ADCY1: variants seen among roughly 807,000 people sequenced by gnomAD.
ADCY1 encodes adenylate cyclase type 1.
A neutral mutation model predicts 105.4 loss-of-function variants in ADCY1; 28 were observed. The observed-to-expected ratio is 0.27, with a 90% CI of 0.20 to 0.36. The LOEUF (loss-of-function observed/expected upper bound fraction) is 0.36. Ranked by LOEUF, ADCY1 falls within the 10% of genes least tolerant of loss-of-function variation. ADCY1 has a pLI of 1.00. For synonymous variants in ADCY1, 655 were observed against 623.8 expected (o/e 1.05, Z -0.75); for missense variants, 977 against 1,434.2 (o/e 0.68, Z 5.15).
In ADCY1 at chr7:45,708,897, C is replaced by T. The variant is rs1443398665; in HGVS notation, c.2932+433C>T. 2.0e-5 allele frequency among the ~76,000 whole-genome samples: 3 copies of T among 152,182 alleles called. No individual in the cohort carries two copies. The highest frequency in any genetic ancestry group is 2.1e-4 in the South Asian group (1 of 4,828). The stretch of plus-strand genomic sequence containing the variant: ...GTCTTCTCCAGGCTCCTTCCCTCAC[C>T]TGTGTCGTGAGGAGGAAAAACCATT... On this transcript the variant is annotated intron_variant, in intron 18 of 19. Transcript: ENST00000297323. The surrounding 1 kb of genome is among the most constrained non-coding windows in gnomAD (Gnocchi z 4.7).
At chr7:45,576,909 C>A (rs1277216290) in intron 1 of ADCY1, among the ~76,000 whole-genome samples, 1 of 152,096 alleles carries the variant, frequency 6.6e-6, no homozygotes, top group Admixed American at 6.5e-5. Flanking sequence ...TAAAAGGCTG[C>A]GTTATTGTCT....
Position 45,710,780 on chromosome 7 carries a change from T to C in ADCY1, c.3057+128T>C, listed in dbSNP as rs925855435. ...GTGGCAGGGCAGAAAGAGCTGCATA[T>C]TTCGGTCTGTCTGCTCTGGAGGGCA... On this transcript the variant is annotated intron_variant, in intron 19 of 19. Coordinates refer to ENST00000297323, the MANE Select transcript of ADCY1 (RefSeq NM_021116.4). This position sits in a 1 kb window ranked among gnomAD's most constrained non-coding sequence, Gnocchi z 4.7. 4.6e-6 allele frequency: 6 copies of C among 1,306,150 alleles called. No individual in the cohort carries two copies. The African/African-American group carries it at 9.1e-5, about 20-fold the overall frequency. The allele number at this position is 1,306,150 out of a possible 1,614,324, so 80.9% of individuals were successfully genotyped here. A position where few individuals can be genotyped will look rare whatever the true frequency, so the allele number is the denominator to read the frequency against.
chr7:45,680,184 A>G (rs1163523172), intron 11 of ADCY1, among the ~76,000 whole-genome samples: 10 of 152,222 alleles, frequency 6.6e-5, no homozygotes, highest in Non-Finnish European at 7.3e-5. Context: ...TGATTAAACA[A>G]ATGAGCACAA....
At chr7:45,576,224 A>G (rs576474066) in intron 1 of ADCY1, among the ~76,000 whole-genome samples, 55 of 152,284 alleles carry the variant, frequency 3.6e-4, no homozygotes, top group African/African-American at 1.2e-3. Context: ...CTGAATCCAG[A>G]GAGATTAGGG....
rs1785422791 is a variant in ADCY1 at position 45,719,385 on chromosome 7, A to G, written c.*5390A>G. 1 of 152,242 alleles carries G rather than the reference A, an allele frequency of 6.6e-6. No homozygotes were observed. The highest frequency in any genetic ancestry group is 2.1e-4 in the South Asian group (1 of 4,830). 9.4% of individuals were successfully genotyped at this position (152,242 alleles called of 1,614,324 possible). On this transcript the variant is annotated 3_prime_UTR_variant, in exon 20 of 20. Transcript: ENST00000297323. Reference sequence around the variant, plus strand: ...TACACTTAGTGAAAGCAGATCCTGTACTAGGATGTGAGGATATCTGTCACC... The same window carrying G: ...TACACTTAGTGAAAGCAGATCCTGTGCTAGGATGTGAGGATATCTGTCACC...
chr7:45,598,624 A>T (rs893877838), intron 2 of ADCY1, among the ~76,000 whole-genome samples: 5 of 152,228 alleles, frequency 3.3e-5, no homozygotes, highest in Non-Finnish European at 7.3e-5. Flanking sequence ...AAAAAGTGTG[A>T]GTTACCAAAG....
chr7:45,666,794 T>C (rs1315356815), intron 8 of ADCY1, among the ~76,000 whole-genome samples: 1 of 152,172 alleles, frequency 6.6e-6, no homozygotes, highest in East Asian at 1.9e-4. Flanking sequence ...CACCTGTTGT[T>C]TCCTGACTTT....
Position 45,686,592 on chromosome 7 carries a change from C to A in ADCY1, c.2373C>A (p.Ile791=), listed in dbSNP as rs1784680892. The change falls in exon 14 of 20, where the codon ATC becomes ATA. Residue 791 remains isoleucine (I), a synonymous_variant. Coordinates refer to ENST00000297323, the MANE Select transcript of ADCY1 (RefSeq NM_021116.4). The surrounding 1 kb of genome is among the most constrained non-coding windows in gnomAD (Gnocchi z 4.3). Reference sequence around the variant, plus strand: ...GCAGCTACGAGCCGATTGTGGCCATCCTGCTCTTCTCCTGTGCGCTGGCCC... The same window carrying A: ...GCAGCTACGAGCCGATTGTGGCCATACTGCTCTTCTCCTGTGCGCTGGCCC... ...SGRSYEPIVA[I]LLFSCALALH... 6.2e-7 allele frequency: 1 copy of A among 1,613,730 alleles called. No individual in the cohort carries two copies.
At chr7:45,684,877 C>A in intron 11 of ADCY1, 102 bp from the exon 12 acceptor site, 1 of 1,016,600 alleles carries the variant, frequency 9.8e-7, no homozygotes, top group Non-Finnish European at 1.5e-6. Context: ...GACCTAGCAG[C>A]TTGCAGGTCA....
At chr7:45,676,278 A>G (rs1344436643) in intron 8 of ADCY1, among the ~76,000 whole-genome samples, 1 of 152,114 alleles carries the variant, frequency 6.6e-6, no homozygotes, top group African/African-American at 2.4e-5. Context: ...AGGTGTGTTC[A>G]TAATTACTTA....
At chr7:45,639,468 G>A (rs922160458) in intron 4 of ADCY1, among the ~76,000 whole-genome samples, 2 of 152,206 alleles carry the variant, frequency 1.3e-5, no homozygotes, top group African/African-American at 4.8e-5. Context: ...TCCATTTCCA[G>A]AAGACTGTGG....
intron 4 of ADCY1, among the ~76,000 whole-genome samples, chr7:45,638,809 CT>C (rs1172497183): frequency 6.6e-6 from 1 of 152,106 alleles, no homozygotes; most frequent in African/African-American, 2.4e-5. Flanking sequence ...GCTACCTTTC[CT>C]TCTAATGGTT....
chr7:45,591,869 G>C lies in ADCY1; in HGVS notation c.640-890G>C, dbSNP rs1217892061. 6.6e-6 allele frequency among the ~76,000 whole-genome samples: 1 copy of C among 152,208 alleles called. No homozygotes were observed. Among genetic ancestry groups the C allele is most frequent in the Admixed American group, 6.5e-5 (1 of 15,284 alleles). On this transcript the variant is annotated intron_variant, in intron 1 of 19. Coordinates refer to ENST00000297323, the MANE Select transcript of ADCY1 (RefSeq NM_021116.4). The surrounding 1 kb of genome is among the most constrained non-coding windows in gnomAD (Gnocchi z 4.1). ...GAGCCTGGTTCTGAGCCTGGAGTGT[G>C]GGTGCACTGCTAGTGCTGGCTCCTT...
chr7:45,638,500 T>G (rs531627634), intron 4 of ADCY1, among the ~76,000 whole-genome samples: 35 of 131,688 alleles, frequency 2.7e-4, no homozygotes, highest in African/African-American at 9.2e-4. Flanking sequence ...TTTTTTTTTG[T>G]ATTACTTGTT....
At chr7:45,664,587 C>A in intron 8 of ADCY1, 1 of 1,125,470 alleles carries the variant, frequency 8.9e-7, no homozygotes, top group Non-Finnish European at 1.2e-6. Flanking sequence ...TACCATCTCA[C>A]AAAAAAGCTA....
Position 45,710,721 on chromosome 7 carries a change from G to A in ADCY1, c.3057+69G>A, listed in dbSNP as rs958433413. On this transcript the variant is annotated intron_variant, in intron 19 of 19. Coordinates refer to ENST00000297323, the MANE Select transcript of ADCY1 (RefSeq NM_021116.4). This position sits in a 1 kb window ranked among gnomAD's most constrained non-coding sequence, Gnocchi z 4.7. Reference sequence around the variant, plus strand: ...CAGGTGAGGAAACTGAGGCACAGGGGGCCAGAATTGAATCCCCAGTCTACA... The same window carrying A: ...CAGGTGAGGAAACTGAGGCACAGGGAGCCAGAATTGAATCCCCAGTCTACA... 27 of 1,530,124 alleles carry A rather than the reference G, an allele frequency of 1.8e-5. No individual in the cohort carries two copies. Among genetic ancestry groups the A allele is most frequent in the Non-Finnish European group, 2.3e-5 (26 of 1,137,492 alleles). The allele number at this position is 1,530,124 out of a possible 1,614,324, so 94.8% of individuals were successfully genotyped here.
intron 16 of ADCY1, 152 bp from the exon 17 acceptor site, chr7:45,704,366 G>A (rs2116261918): frequency 1.6e-6 from 1 of 635,524 alleles, no homozygotes; most frequent in South Asian, 1.9e-5. Flanking sequence ...TCTTGCCAGT[G>A]TAGTCCTAGA....
chr7:45,605,661 G>T (rs190653466), intron 2 of ADCY1, among the ~76,000 whole-genome samples: 1 of 152,132 alleles, frequency 6.6e-6, no homozygotes, highest in East Asian at 1.9e-4. Context: ...CATGTGTTTG[G>T]GGTATATACT....
chr7:45,705,324 C>T (rs933494129), intron 17 of ADCY1, among the ~76,000 whole-genome samples: 28 of 152,162 alleles, frequency 1.8e-4, no homozygotes, highest in Admixed American at 2.6e-4. Flanking sequence ...AAACCCCCAA[C>T]AAATATTAGC....
Sources: gnomAD v4.1 joint callset for allele counts (sites outside exome capture counted in the v4.1 genomes callset) on GRCh38, gnomAD v4.1.1 for gene constraint, Gnocchi (gnomAD v3.1) non-coding constraint, MANE v1.5 for transcripts, NCBI Gene and HGNC (gene_info 2026-07-23, HGNC 2026-07-21) for gene names.